DIP2C: variants seen among roughly 807,000 people sequenced by gnomAD.
DIP2C encodes the protein disco-interacting protein 2 homolog C.
A neutral mutation model predicts 192.4 loss-of-function variants in DIP2C; 33 were observed. That is an observed-to-expected ratio of 0.17 (90% confidence interval 0.13 to 0.23). DIP2C has a LOEUF of 0.23. Ranked by LOEUF, DIP2C falls within the 10% of genes least tolerant of loss-of-function variation. The pLI is 1.00. For synonymous variants in DIP2C, 979 were observed against 864.1 expected (o/e 1.13, Z -2.33); for missense variants, 1,537 against 2,110.1 (o/e 0.73, Z 5.32).
chr10:417,918 A>G (rs375290431), intron 6 of DIP2C, among the ~76,000 whole-genome samples: 18 of 91,160 alleles, frequency 2.0e-4, no homozygotes, highest in South Asian at 4.1e-4. Flanking sequence ...CTCCCTGTCC[A>G]CCTGTTCCTG....
chr10:274,504 T>C lies in DIP2C; in HGVS notation c.*2821A>G, dbSNP rs566108666. On this transcript the variant is annotated 3_prime_UTR_variant, in exon 37 of 37. Transcript: ENST00000280886. ...AAGCTTTTATTTGTTCATTTGAATA[T>C]AAAACAGGCGTTATCACAGATGTAC... The C allele has an allele frequency of 6.6e-6, 1 of 152,330 alleles. No homozygotes were observed. The highest frequency in any genetic ancestry group is 1.9e-4 in the East Asian group (1 of 5,192). The allele number at this position is 152,330 out of a possible 1,614,324, so 9.4% of individuals were successfully genotyped here.
At chr10:474,383 C>T (rs1425695601) in intron 2 of DIP2C, among the ~76,000 whole-genome samples, 1 of 152,166 alleles carries the variant, frequency 6.6e-6, no homozygotes, top group Non-Finnish European at 1.5e-5. Context: ...GTACCTATTG[C>T]CAATCCTTTC....
chr10:413,408 A>G (rs1463977606), intron 8 of DIP2C, among the ~76,000 whole-genome samples: 2 of 152,250 alleles, frequency 1.3e-5, no homozygotes, highest in Non-Finnish European at 2.9e-5. Context: ...TCTAACTACC[A>G]ATCTTTGCTG....
chr10:545,711 G>T (rs1200698886), intron 1 of DIP2C, among the ~76,000 whole-genome samples: 2 of 152,186 alleles, frequency 1.3e-5, no homozygotes, highest in African/African-American at 4.8e-5. Flanking sequence ...GGGTCTCACA[G>T]TATCGACTCT....
At chr10:333,059 C>T (rs1014348143) in intron 29 of DIP2C, among the ~76,000 whole-genome samples, 7 of 152,142 alleles carry the variant, frequency 4.6e-5, no homozygotes, top group African/African-American at 9.7e-5. Context: ...TGTGCCACCA[C>T]GCCAGGCTAA....
At chr10:446,925 G>A (rs1305349480) in intron 3 of DIP2C, among the ~76,000 whole-genome samples, 2 of 152,192 alleles carry the variant, frequency 1.3e-5, no homozygotes, top group Non-Finnish European at 2.9e-5. Context: ...ACCACATCAA[G>A]AGAACAAACT....
chr10:675,337 A>G (rs1564333218), intron 1 of DIP2C, among the ~76,000 whole-genome samples: 1 of 152,194 alleles, frequency 6.6e-6, no homozygotes, highest in Non-Finnish European at 1.5e-5. Flanking sequence ...CATTAAAAAA[A>G]AGATTTAAAA....
chr10:580,725 CACA>C, intron 1 of DIP2C, among the ~76,000 whole-genome samples: 1 of 152,068 alleles, frequency 6.6e-6, no homozygotes, highest in Admixed American at 6.5e-5. Flanking sequence ...CTTCCAGTTC[CACA>C]TAATTTTTTT....
At chr10:581,067 C>T (rs948266736) in intron 1 of DIP2C, among the ~76,000 whole-genome samples, 5 of 152,176 alleles carry the variant, frequency 3.3e-5, no homozygotes, top group African/African-American at 7.2e-5. Flanking sequence ...GTGAGGGCAA[C>T]ACCAAGCCCT....
In DIP2C at chr10:423,048, A is replaced by C; in HGVS notation, c.395-15T>G. The C allele has an allele frequency of 1.3e-6, 2 of 1,587,416 alleles. No homozygotes were observed. The highest frequency in any genetic ancestry group is 1.7e-6 in the Non-Finnish European group (2 of 1,164,000). On this transcript the variant is annotated splice_polypyrimidine_tract_variant and intron_variant, in intron 4 of 36. Transcript: ENST00000280886. ...AGAAGAGGTATCTGTGTAAGAAGAA[A>C]GGTGATTTGCTGTATGTTGCAGCAA...
At chr10:483,004 A>G (rs1843718796) in intron 2 of DIP2C, among the ~76,000 whole-genome samples, 1 of 152,158 alleles carries the variant, frequency 6.6e-6, no homozygotes, top group Non-Finnish European at 1.5e-5. Flanking sequence ...GGCTCCGGAC[A>G]GTCTTTTCCT....
chr10:432,413 G>A (rs1966869598), intron 4 of DIP2C, among the ~76,000 whole-genome samples: 1 of 152,156 alleles, frequency 6.6e-6, no homozygotes, highest in African/African-American at 2.4e-5. Flanking sequence ...AATTTTGGCA[G>A]ATTCTGTCTT....
chr10:352,828 G>T (rs1034791084), intron 24 of DIP2C, among the ~76,000 whole-genome samples: 1 of 152,142 alleles, frequency 6.6e-6, no homozygotes, highest in Non-Finnish European at 1.5e-5. Flanking sequence ...ACACCACACG[G>T]CAACTCCACA....
intron 1 of DIP2C, among the ~76,000 whole-genome samples, chr10:517,121 C>T (rs1846414121): frequency 1.3e-5 from 2 of 151,948 alleles, no homozygotes; most frequent in Admixed American, 1.3e-4. Flanking sequence ...CCCCTCCATC[C>T]CACCAGCCTG....
intron 1 of DIP2C, among the ~76,000 whole-genome samples, chr10:661,579 G>C (rs1368576450): frequency 6.6e-6 from 1 of 152,174 alleles, no homozygotes; most frequent in Non-Finnish European, 1.5e-5. Flanking sequence ...GAAACTCTCG[G>C]CTCTGGGCTT....
intron 3 of DIP2C, among the ~76,000 whole-genome samples, chr10:459,958 C>T (rs532246526): frequency 6.8e-6 from 1 of 147,610 alleles, no homozygotes; most frequent in East Asian, 2.0e-4. Context: ...AGCTCTAGGA[C>T]CTTCCCACAG....
intron 3 of DIP2C, among the ~76,000 whole-genome samples, chr10:469,563 C>G (rs1272788354): frequency 6.6e-6 from 1 of 152,060 alleles, no homozygotes; most frequent in African/African-American, 2.4e-5. Context: ...GTGATCTGCC[C>G]GCCTCGGCCT....
intron 29 of DIP2C, among the ~76,000 whole-genome samples, chr10:333,567 T>C (rs1317858988): frequency 1.3e-5 from 2 of 152,242 alleles, no homozygotes; most frequent in African/African-American, 4.8e-5. Context: ...ACCTGGATTG[T>C]TTCCTTGTGT....
intron 1 of DIP2C, among the ~76,000 whole-genome samples, chr10:524,053 C>T (rs928588635): frequency 2.6e-5 from 4 of 152,160 alleles, no homozygotes; most frequent in Admixed American, 2.0e-4. Context: ...GAGGCTGGTT[C>T]CACCTCCCGC....
Sources: gnomAD v4.1 joint callset for allele counts (sites outside exome capture counted in the v4.1 genomes callset) on GRCh38, gnomAD v4.1.1 for gene constraint, MANE v1.5 for transcripts, NCBI Gene and HGNC (gene_info 2026-07-23, HGNC 2026-07-21) for gene names.